The following NR1D2 variants were observed in gnomAD, a reference collection of about 807,000 sequenced individuals.
The protein encoded by NR1D2 is V-erbA-related protein 1-related.
Under a neutral mutation model 52.2 loss-of-function variants are expected in NR1D2, and 25 were observed. The ratio of observed to expected loss-of-function variants is 0.48; its 90% CI spans 0.35 to 0.67. NR1D2 has a LOEUF of 0.67. NR1D2 is among the 30% of genes least tolerant of loss of function. The probability of loss-of-function intolerance (pLI) is 0.01; values close to 1 mark genes in which losing one functional copy is unlikely to be tolerated. For synonymous variants in NR1D2, 259 were observed against 230.1 expected (o/e 1.13, Z -1.14); for missense variants, 681 against 707.2 (o/e 0.96, Z 0.42).
chr3:23,965,239 T>C (rs1706408511), intron 6 of NR1D2, 77 bp downstream of exon 6: 1 of 910,872 alleles, frequency 1.1e-6, no homozygotes, highest in African/African-American at 1.8e-5. Context: ...TTAATTCTTT[T>C]TTTTTTTTTT....
At chr3:23,963,019 T>G (rs544702758) in intron 5 of NR1D2, among the ~76,000 whole-genome samples, 1 of 152,220 alleles carries the variant, frequency 6.6e-6, no homozygotes, top group South Asian at 2.1e-4. Context: ...AAAGAGGTTT[T>G]TTTTTTTTTT....
At chr3:23,972,799 C>T (rs1706625792) in intron 7 of NR1D2, among the ~76,000 whole-genome samples, 2 of 152,152 alleles carry the variant, frequency 1.3e-5, no homozygotes, top group African/African-American at 4.8e-5. Flanking sequence ...ACATTATAGT[C>T]TCCAGAAGAT....
Position 23,952,144 on chromosome 3 carries a change from C to T in NR1D2, c.17-2393C>T, listed in dbSNP as rs374872259. Among the ~76,000 whole-genome samples, 31 of 152,264 alleles carry T rather than the reference C, an allele frequency of 2.0e-4. No homozygotes were observed. The South Asian group carries it at 3.5e-3, about 17-fold the overall frequency. On this transcript the variant is annotated intron_variant, in intron 1 of 7. Coordinates refer to ENST00000312521, the MANE Select transcript of NR1D2 (RefSeq NM_005126.5). ...CAGATTCTGGGTGATACTGATGCCC[C>T]TAGTCCAGGGCCCACACTTTGAGAT...
At chr3:23,963,919 GT>G (rs10707974) in intron 5 of NR1D2, among the ~76,000 whole-genome samples, 108,576 of 140,028 alleles carry the variant, frequency 0.78, 42,239 homozygotes, top group African/African-American at 0.89. Flanking sequence ...TCTTTTTGGT[GT>G]TTTTTTTTTT....
rs183712462 is a variant in NR1D2, at chr3:23,967,485, G to A, written c.1333-328G>A. On this transcript the variant is annotated intron_variant, in intron 6 of 7. Coordinates refer to ENST00000312521, the MANE Select transcript of NR1D2 (RefSeq NM_005126.5). ...GCAAAAATTAGTTGGGCGTGGTGGC[G>A]CACACCTGTAATCCCAGCTACTTGG... Among the ~76,000 whole-genome samples the A allele has an allele frequency of 1.4e-3, 218 of 151,740 alleles. 2 individuals carry two copies. The highest frequency in any genetic ancestry group is 4.9e-3 in the African/African-American group (203 of 41,328).
At chr3:23,947,791 C>T (rs1705792671) in intron 1 of NR1D2, among the ~76,000 whole-genome samples, 1 of 150,770 alleles carries the variant, frequency 6.6e-6, no homozygotes, top group Non-Finnish European at 1.5e-5. Flanking sequence ...ACAGTTTCTG[C>T]TATCTATCAG....
intron 6 of NR1D2, among the ~76,000 whole-genome samples, chr3:23,966,154 CAACTCTGAG>C (rs1706444413): frequency 1.3e-5 from 2 of 152,294 alleles, no homozygotes; most frequent in South Asian, 4.1e-4. Context: ...TAATTAAGGA[CAACTCTGAG>C]ATTGGGGTGG....
At chr3:23,956,362 A>G (rs185311258) in intron 3 of NR1D2, among the ~76,000 whole-genome samples, 140 of 152,326 alleles carry the variant, frequency 9.2e-4, no homozygotes, top group African/African-American at 3.1e-3. Flanking sequence ...TGCTATCTCA[A>G]TTAAACATAC....
At chr3:23,950,088 G>A (rs921141985) in intron 1 of NR1D2, among the ~76,000 whole-genome samples, 1 of 152,202 alleles carries the variant, frequency 6.6e-6, no homozygotes, top group Non-Finnish European at 1.5e-5. Context: ...GTTTCTTGGA[G>A]GTGTTGGGAC....
chr3:23,952,231 T>C (rs982398422), intron 1 of NR1D2, among the ~76,000 whole-genome samples: 2 of 152,066 alleles, frequency 1.3e-5, no homozygotes, highest in Non-Finnish European at 2.9e-5. Flanking sequence ...TTAATTAAGG[T>C]GAGATGCACA....
At chr3:23,953,342 C>CAAAAAAA (rs55698030) in intron 1 of NR1D2, among the ~76,000 whole-genome samples, 1 of 52,438 alleles carries the variant, frequency 1.9e-5, no homozygotes, top group African/African-American at 6.3e-5. Context: ...GACTCTGTCT[C>CAAAAAAA]AAAAAAAAAA....
chr3:23,948,267 C>G (rs1191414138), intron 1 of NR1D2, among the ~76,000 whole-genome samples: 1 of 152,204 alleles, frequency 6.6e-6, no homozygotes, highest in Non-Finnish European at 1.5e-5. Flanking sequence ...TGTAATCTTA[C>G]TGTCCTTCGT....
intron 5 of NR1D2, among the ~76,000 whole-genome samples, chr3:23,963,722 T>C (rs977155965): frequency 2.2e-4 from 34 of 152,286 alleles, no homozygotes; most frequent in African/African-American, 7.5e-4. Flanking sequence ...GTGCTGGGAT[T>C]ACAGGCATGA....
chr3:23,966,887 GGGTGT>G (rs994753488), intron 6 of NR1D2, among the ~76,000 whole-genome samples: 5 of 152,138 alleles, frequency 3.3e-5, no homozygotes, highest in African/African-American at 1.2e-4. Flanking sequence ...AAAATTAGCT[GGGTGT>G]GGTGGTATGT....
At chr3:23,946,054 G>A in intron 1 of NR1D2, 1 of 973,740 alleles carries the variant, frequency 1.0e-6, no homozygotes, top group Non-Finnish European at 1.2e-6. Flanking sequence ...CGCTGGCTGG[G>A]AGCGCCGCAG....
rs779449989 is a variant in NR1D2 at position 23,946,066 on chromosome 3, C to A, written c.16+472C>A. 832 of 982,570 alleles carry A rather than the reference C, an allele frequency of 8.5e-4. 4 individuals carry two copies. Among genetic ancestry groups the A allele is most frequent in the Non-Finnish European group, 7.1e-4 (590 of 827,634 alleles). The allele number at this position is 982,570 out of a possible 1,614,324, so 60.9% of individuals were successfully genotyped here. A position where few individuals can be genotyped will look rare whatever the true frequency, so the allele number is the denominator to read the frequency against. On this transcript the variant is annotated intron_variant, in intron 1 of 7. Transcript: ENST00000312521. Reference sequence around the variant, plus strand: ...GCGCGCTGGCTGGGAGCGCCGCAGCCTCCCGGGAGGCTCCGCCCCTTTGGA... The same window carrying A: ...GCGCGCTGGCTGGGAGCGCCGCAGCATCCCGGGAGGCTCCGCCCCTTTGGA...
In NR1D2 at chr3:23,979,177, A is replaced by G. The variant is rs953457660; in HGVS notation, c.*1758A>G. ...GCACTAGTTAAGTAAGTTAAAAAAA[A>G]GTTAAACCCTCTCATTATTAAAGAG... On this transcript the variant is annotated 3_prime_UTR_variant, in exon 8 of 8. Coordinates refer to ENST00000312521, the MANE Select transcript of NR1D2 (RefSeq NM_005126.5). 2.0e-5 allele frequency: 3 copies of G among 152,146 alleles called. No homozygotes were observed. The highest frequency in any genetic ancestry group is 7.2e-5 in the African/African-American group (3 of 41,466). The allele number at this position is 152,146 out of a possible 1,614,324, so 9.4% of individuals were successfully genotyped here.
At chr3:23,967,736 G>A (rs1706487864) in intron 6 of NR1D2, 77 bp from the exon 7 acceptor site, 1 of 1,133,670 alleles carries the variant, frequency 8.8e-7, no homozygotes, top group African/African-American at 1.6e-5. Flanking sequence ...ATTCATAACT[G>A]ACTTGATTGA....
At chr3:23,950,502 A>ACT (rs1369648545) in intron 1 of NR1D2, among the ~76,000 whole-genome samples, 1 of 152,258 alleles carries the variant, frequency 6.6e-6, no homozygotes, top group Non-Finnish European at 1.5e-5. Flanking sequence ...AGGTTGAGGA[A>ACT]CTACTAGATG....
Sources: allele counts gnomAD v4.1 joint callset (sites outside exome capture counted in the v4.1 genomes callset), GRCh38; gene constraint gnomAD v4.1.1; transcripts MANE v1.5; gene names NCBI Gene and HGNC (gene_info 2026-07-23, HGNC 2026-07-21).